Variants in C5 observed in about 807,000 individuals in gnomAD.
C5 encodes C3 and PZP-like alpha-2-macroglobulin domain-containing protein 4.
A neutral mutation model predicts 218.8 loss-of-function variants in C5; 140 were observed. The observed-to-expected ratio is 0.64, with a 90% CI of 0.56 to 0.74. C5 has a LOEUF of 0.74. C5 is among the 30% of genes least tolerant of loss of function. C5 has a pLI of 0.00. For missense variants in C5, 1,700 were observed against 1,969.6 expected (o/e 0.86, Z 2.59); for synonymous variants, 614 against 682.3 (o/e 0.90, Z 1.56).
At chr9:121,067,961 A>G in the C5 span, among the ~76,000 whole-genome samples, 1 of 152,174 alleles carries the variant, frequency 6.6e-6, no homozygotes, top group African/African-American at 2.4e-5. Context: ...AGTTCTTTAT[A>G]GTAGGGTAAA....
the C5 span, chr9:121,074,712 ATGAAACCTCGGCTCCCCC>A: frequency 9.3e-6 from 4 of 432,102 alleles, no homozygotes; most frequent in Non-Finnish European, 1.9e-5. Context: ...CAGCTGCCGC[ATGAAACCTCGGCTCCCCC>A]TGACTCTGCA....
the C5 span, among the ~76,000 whole-genome samples, chr9:121,067,629 T>C: frequency 6.6e-6 from 1 of 151,588 alleles, no homozygotes; most frequent in Non-Finnish European, 1.5e-5. Flanking sequence ...GGTTTGGCAC[T>C]GTGTCCCTAC....
intron 7 of C5, among the ~76,000 whole-genome samples, 155 bp from the exon 8 acceptor site, chr9:121,027,429 C>T (rs982192637): frequency 6.6e-6 from 1 of 152,126 alleles, no homozygotes; most frequent in African/African-American, 2.4e-5. Flanking sequence ...CATCATGCTA[C>T]CTGACTTCAA....
At chr9:120,972,049 A>C (rs2046918822) in intron 30 of C5, 57 bp from the exon 31 acceptor site, 1 of 1,436,316 alleles carries the variant, frequency 7.0e-7, no homozygotes, top group African/African-American at 1.4e-5. Context: ...ATAGGGAGGG[A>C]GGATAGAGCT....
the C5 span, among the ~76,000 whole-genome samples, chr9:121,057,912 G>A: frequency 1.3e-5 from 2 of 152,100 alleles, no homozygotes; most frequent in African/African-American, 4.8e-5. Context: ...CTCATAAGTT[G>A]TAGAAGTTCT....
intron 5 of C5, among the ~76,000 whole-genome samples, chr9:121,032,721 C>T (rs1054472088): frequency 2.6e-5 from 4 of 152,054 alleles, no homozygotes; most frequent in Non-Finnish European, 5.9e-5. Context: ...TATACTAGGC[C>T]AGGTATAGTG....
chr9:121,064,101 CTTG>C, the C5 span, among the ~76,000 whole-genome samples: 3 of 151,966 alleles, frequency 2.0e-5, no homozygotes, highest in East Asian at 1.9e-4. Flanking sequence ...TCACTTTGTT[CTTG>C]TTGTTCTTTT....
chr9:120,977,390 A>G (rs2046961508), intron 28 of C5, among the ~76,000 whole-genome samples: 1 of 152,214 alleles, frequency 6.6e-6, no homozygotes, highest in African/African-American at 2.4e-5. Context: ...TCTGAAAAAA[A>G]TCTGAAATCT....
chr9:120,976,030 A>G (rs2046950783), intron 29 of C5, among the ~76,000 whole-genome samples: 1 of 152,166 alleles, frequency 6.6e-6, no homozygotes. Context: ...TGCTAACCCT[A>G]TAATTGTACC....
chr9:120,959,674 C>T (rs2046812196), intron 38 of C5, among the ~76,000 whole-genome samples: 1 of 152,108 alleles, frequency 6.6e-6, no homozygotes, highest in Admixed American at 6.5e-5. Context: ...AACAAAGGAG[C>T]TAATTTTATC....
rs774435828 is a variant in C5 at position 121,017,476 on chromosome 9, T to C, written c.1752A>G (p.Pro584=). Residue 584 remains proline (P), a synonymous_variant, in exon 14 of 41, where the codon CCA becomes CCG. Transcript: ENST00000223642. ...CCATATTAAGAGACACAGTTTGGCC[T>C]GGAGAATATGCATCTGCATCAGGAG... is the stretch of plus-strand genomic sequence containing the variant. ...HLSPDADAYS[P]GQTVSLNMAT... 3 of 1,613,752 alleles carry C rather than the reference T, an allele frequency of 1.9e-6. No homozygotes were observed. Among genetic ancestry groups the C allele is most frequent in the Non-Finnish European group, 2.5e-6 (3 of 1,179,916 alleles).
rs747468525 is a variant in C5 at position 121,025,577 on chromosome 9, T to G, written c.877A>C (p.Ile293Leu). The G allele has an allele frequency of 5.0e-6, 8 of 1,611,982 alleles. No individual in the cohort carries two copies. The Admixed American group carries it at 1.3e-4, about 27-fold the overall frequency. ...AATGTGACTTGAGCAATTCCATTTA[T>G]CAACTTTTTAAAAGGAGAAAAAGGA... ...MQTAMQNTML[I>L]NGIAQVTFDS... is the part of the protein sequence containing the mutation. Residue 293 changes from isoleucine (I) to leucine (L), a missense_variant, in exon 9 of 41, where the codon ATA becomes CTA. Physicochemically the swap from Ile to Leu is conservative, Grantham distance 5 (BLOSUM62 2). Transcript: ENST00000223642.
At chr9:120,979,909 T>C (rs139805747) in intron 28 of C5, among the ~76,000 whole-genome samples, 174 bp downstream of exon 28, 7 of 152,162 alleles carry the variant, frequency 4.6e-5, no homozygotes, top group African/African-American at 1.7e-4. Flanking sequence ...GCTGAATGAA[T>C]GCATGAATAA....
chr9:121,034,211 C>T (rs2047503409), intron 5 of C5, among the ~76,000 whole-genome samples: 2 of 152,188 alleles, frequency 1.3e-5, no homozygotes, highest in South Asian at 2.1e-4. Flanking sequence ...TGAGCCACCG[C>T]ACCTGGCCTA....
At chr9:121,024,747 T>G (rs1163195707) in intron 9 of C5, among the ~76,000 whole-genome samples, 2 of 152,194 alleles carry the variant, frequency 1.3e-5, no homozygotes, top group African/African-American at 4.8e-5. Context: ...CCTATTGCAT[T>G]AATATTTTGC....
At chr9:121,006,655 C>A (rs1419807929) in intron 19 of C5, among the ~76,000 whole-genome samples, 2 of 151,286 alleles carry the variant, frequency 1.3e-5, no homozygotes, top group Admixed American at 1.3e-4. Context: ...CCAGCTTGGA[C>A]AACATAGCGA....
chr9:120,980,892 G>A (rs534380278), intron 27 of C5, among the ~76,000 whole-genome samples: 1 of 152,222 alleles, frequency 6.6e-6, no homozygotes, highest in African/African-American at 2.4e-5. Flanking sequence ...CACTGCACCC[G>A]GCCCATAGAC....
At chr9:121,058,929 C>A in the C5 span, among the ~76,000 whole-genome samples, 2 of 152,162 alleles carry the variant, frequency 1.3e-5, no homozygotes, top group African/African-American at 2.4e-5. Context: ...CTCAATAGAG[C>A]TGGAGCAAGA....
At chr9:120,971,387 C>G (rs949872587) in intron 31 of C5, among the ~76,000 whole-genome samples, 1 of 151,618 alleles carries the variant, frequency 6.6e-6, no homozygotes, top group African/African-American at 2.4e-5. Context: ...TTATATATCT[C>G]TATAAATATA....
Sources: allele counts gnomAD v4.1 joint callset (sites outside exome capture counted in the v4.1 genomes callset), GRCh38; gene constraint gnomAD v4.1.1; transcripts MANE v1.5; gene names NCBI Gene and HGNC (gene_info 2026-07-23, HGNC 2026-07-21).